FBXL20: variants seen among roughly 807,000 people sequenced by gnomAD.
FBXL20 encodes the protein F-box/LRR-repeat protein 20.
FBXL20 carries 11 observed loss-of-function variants against 64.0 expected under a neutral mutation model. The ratio of observed to expected loss-of-function variants is 0.17; its 90% CI spans 0.11 to 0.28. The LOEUF (loss-of-function observed/expected upper bound fraction) is 0.28, where lower values mean the gene tolerates loss of function less well. Among genes scored for constraint, FBXL20 ranks in the 10% least tolerant of loss-of-function variants. FBXL20 has a pLI of 1.00. For synonymous variants in FBXL20, 184 were observed against 189.0 expected, an observed-to-expected ratio of 0.97 and a Z score of 0.22; for missense variants, 303 against 526.2, an observed-to-expected ratio of 0.58 and a Z score of 4.15.
At chr17:39,285,226 A>C (rs2046978792) in intron 7 of FBXL20, among the ~76,000 whole-genome samples, 4 of 152,118 alleles carry the variant, frequency 2.6e-5, no homozygotes, top group Admixed American at 2.6e-4. Flanking sequence ...TGAAAATAAG[A>C]CTTCATAAAA....
chr17:39,322,873 C>T (rs985026579), intron 2 of FBXL20, among the ~76,000 whole-genome samples: 3 of 151,970 alleles, frequency 2.0e-5, no homozygotes, highest in African/African-American at 4.8e-5. Flanking sequence ...GGTGCAATCT[C>T]GGCTCACTGC....
At chr17:39,361,379 T>C (rs751047837) in intron 1 of FBXL20, among the ~76,000 whole-genome samples, 1 of 152,182 alleles carries the variant, frequency 6.6e-6, no homozygotes, top group Non-Finnish European at 1.5e-5. Context: ...ATGAGAGATA[T>C]GCAGAAGAAA....
At chr17:39,295,563 T>C (rs2047076597) in intron 6 of FBXL20, among the ~76,000 whole-genome samples, 3 of 152,136 alleles carry the variant, frequency 2.0e-5, no homozygotes, top group Admixed American at 2.0e-4. Context: ...CTGGTTCATG[T>C]GTTTTTAATT....
intron 2 of FBXL20, among the ~76,000 whole-genome samples, chr17:39,308,936 A>G (rs1183549735): frequency 1.3e-5 from 2 of 152,148 alleles, no homozygotes; most frequent in Admixed American, 6.6e-5. Context: ...CATAGCCTTG[A>G]GGCTTCTGCC....
chr17:39,398,247 TCCAG>T (rs982104320), intron 1 of FBXL20, among the ~76,000 whole-genome samples: 1 of 151,876 alleles, frequency 6.6e-6, no homozygotes, highest in Non-Finnish European at 1.5e-5. Context: ...ACCATTGCAC[TCCAG>T]CCTGGGGACA....
intron 9 of FBXL20, among the ~76,000 whole-genome samples, 192 bp downstream of exon 9, chr17:39,281,197 C>T (rs2046947325): frequency 6.6e-6 from 1 of 152,166 alleles, no homozygotes; most frequent in South Asian, 2.1e-4. Flanking sequence ...TACCTCCTAT[C>T]TTATCTATGC....
chr17:39,356,500 T>C (rs1483305092), intron 1 of FBXL20, among the ~76,000 whole-genome samples: 2 of 152,046 alleles, frequency 1.3e-5, no homozygotes, highest in African/African-American at 4.8e-5. Context: ...GGACTACAGG[T>C]ACATATCACC....
intron 1 of FBXL20, 36 bp downstream of exon 1, chr17:39,401,325 C>T: frequency 6.2e-7 from 1 of 1,612,338 alleles, no homozygotes; most frequent in Non-Finnish European, 8.5e-7. Flanking sequence ...GCGCGACCCG[C>T]CCTCCTCACG....
At chr17:39,314,080 T>A (rs2047262130) in intron 2 of FBXL20, among the ~76,000 whole-genome samples, 1 of 152,170 alleles carries the variant, frequency 6.6e-6, no homozygotes, top group African/African-American at 2.4e-5. Context: ...CCATTAGCAG[T>A]CACTCTCTAT....
chr17:39,391,277 GA>G (rs986812425), intron 1 of FBXL20, among the ~76,000 whole-genome samples: 17 of 143,740 alleles, frequency 1.2e-4, no homozygotes, highest in African/African-American at 3.5e-4. Flanking sequence ...AAATTATTAA[GA>G]AAAAAAAAGA....
chr17:39,393,141 T>C (rs990799636), intron 1 of FBXL20, among the ~76,000 whole-genome samples: 1 of 151,710 alleles, frequency 6.6e-6, no homozygotes, highest in African/African-American at 2.4e-5. Flanking sequence ...ATAAAAAAAT[T>C]AGCCAGGTGT....
intron 9 of FBXL20, among the ~76,000 whole-genome samples, chr17:39,279,713 T>C (rs2046931312): frequency 6.6e-6 from 1 of 151,840 alleles, no homozygotes; most frequent in Non-Finnish European, 1.5e-5. Context: ...CTGGCCAACA[T>C]GGCAAAACCC....
chr17:39,395,078 C>T (rs765749462), intron 1 of FBXL20, among the ~76,000 whole-genome samples: 2 of 152,128 alleles, frequency 1.3e-5, no homozygotes, highest in African/African-American at 4.8e-5. Flanking sequence ...ATCATCAACA[C>T]TAACAGTTAA....
At chr17:39,401,737 G>T, upstream of FBXL20, 6 of 1,056,936 alleles carry the variant, frequency 5.7e-6, no homozygotes, top group African/African-American at 1.7e-5. Context: ...GGAGGGGCGG[G>T]AGGGGAGGAG....
At chr17:39,381,611 G>A (rs2048024044) in intron 1 of FBXL20, among the ~76,000 whole-genome samples, 1 of 151,998 alleles carries the variant, frequency 6.6e-6, no homozygotes, top group Admixed American at 6.6e-5. Flanking sequence ...ACAACATGGT[G>A]AAACCCCGTG....
At chr17:39,368,024 G>A (rs1337740792) in intron 1 of FBXL20, among the ~76,000 whole-genome samples, 1 of 151,838 alleles carries the variant, frequency 6.6e-6, no homozygotes, top group Non-Finnish European at 1.5e-5. Context: ...GTGATCCGCT[G>A]GACTCAGCCT....
chr17:39,310,751 C>T (rs988026575), intron 2 of FBXL20, among the ~76,000 whole-genome samples: 4 of 151,990 alleles, frequency 2.6e-5, no homozygotes, highest in Admixed American at 2.6e-4. Context: ...TTTGGGAGGC[C>T]AAGGTGGATG....
upstream of FBXL20, chr17:39,401,851 T>C: frequency 2.3e-6 from 1 of 430,466 alleles, no homozygotes; most frequent in Non-Finnish European, 3.4e-6. Context: ...CCCCTGCGCC[T>C]CCGAGGCAGA....
chr17:39,393,442 G>T (rs1332040277), intron 1 of FBXL20, among the ~76,000 whole-genome samples: 1 of 152,060 alleles, frequency 6.6e-6, no homozygotes, highest in African/African-American at 2.4e-5. Flanking sequence ...AGTTTGGGCT[G>T]GGATTTTATA....
Sources: gnomAD v4.1 joint callset for allele counts (sites outside exome capture counted in the v4.1 genomes callset) on GRCh38, gnomAD v4.1.1 for gene constraint, MANE v1.5 for transcripts, NCBI Gene and HGNC (gene_info 2026-07-23, HGNC 2026-07-21) for gene names.